The following SOS1 variants were observed in gnomAD, a reference collection of about 807,000 sequenced individuals.
SOS1 encodes the protein SOS Ras/Rac guanine nucleotide exchange factor 1, also known as son of sevenless homolog 1.
Under a neutral mutation model 157.6 loss-of-function variants are expected in SOS1, and 25 were observed. The observed-to-expected ratio is 0.16, with a 90% CI of 0.12 to 0.22. The LOEUF is 0.22. Ranked by LOEUF, SOS1 falls within the 10% of genes least tolerant of loss-of-function variation. The pLI, the probability that SOS1 is intolerant of heterozygous loss-of-function variation, is 1.00. For missense variants in SOS1, 1,237 were observed against 1,599.1 expected (o/e 0.77, Z 3.86); for synonymous variants, 528 against 534.0 (o/e 0.99, Z 0.16).
chr2:39,091,211 C>A (rs1327899559), intron 1 of SOS1, among the ~76,000 whole-genome samples: 1 of 152,128 alleles, frequency 6.6e-6, no homozygotes, highest in African/African-American at 2.4e-5. Flanking sequence ...GGGACCAACA[C>A]TGCTGGTCTG....
intron 9 of SOS1, 44 bp from the exon 10 acceptor site, chr2:39,023,269 A>AACCTAGAGCTCATGTAAGT (rs756081651): frequency 1.4e-6 from 2 of 1,460,850 alleles, no homozygotes; most frequent in Non-Finnish European, 1.9e-6. Flanking sequence ...GATGACAGAA[A>AACCTAGAGCTCATGTAAGT]ACCTAGAGCT....
Position 39,086,246 on chromosome 2 carries a change from A to G in SOS1, c.88-18493T>C, listed in dbSNP as rs144150927. ...AGGTGAAAAGTATATTGGTGAAGTG[A>G]GAGGGATAACATTCTAGGCAAAGGA... On this transcript the variant is annotated intron_variant, in intron 1 of 22. Transcript: ENST00000402219. Among the ~76,000 whole-genome samples the G allele has an allele frequency of 5.0e-3, 759 of 152,292 alleles. 11 individuals carry two copies. Among genetic ancestry groups the G allele is most frequent in the African/African-American group, 0.016 (675 of 41,574 alleles).
At position 38,995,189 on chromosome 2, in the gene SOS1, C is replaced by T. The variant is rs963283940; in HGVS notation, c.3280G>A (p.Gly1094Ser). ...CAAACATCTGTGGTACTGGAAGCAC[C>T]AGAAGCAGGCGGAGGTGTTAACGGT... ...RTPLTPPPASGASSTTDVCSV... is the reference protein window; with the variant it reads ...RTPLTPPPASSASSTTDVCSV... Residue 1094 changes from glycine (G) to serine (S), a missense_variant, in exon 20 of 23, where the codon GGT (glycine) becomes AGT (serine). Physicochemically the swap from Gly to Ser is moderately conservative, Grantham distance 56. Around this residue, in one of 15 missense-constraint regions of SOS1, gnomAD observed 306 missense variants for 322.6 expected, o/e 0.95. Coordinates refer to ENST00000402219, the MANE Select transcript of SOS1 (RefSeq NM_005633.4). The T allele has an allele frequency of 1.9e-6, 3 of 1,613,972 alleles. No homozygotes were observed. Among genetic ancestry groups the T allele is most frequent in the Non-Finnish European group, 2.5e-6 (3 of 1,179,920 alleles).
intron 2 of SOS1, among the ~76,000 whole-genome samples, chr2:39,061,299 G>A (rs1190261261): frequency 6.8e-6 from 1 of 148,054 alleles, no homozygotes; most frequent in Non-Finnish European, 1.5e-5. Flanking sequence ...AGGCCATACT[G>A]AAGGAATTAC....
chr2:39,079,595 A>G (rs1672133525), intron 1 of SOS1, among the ~76,000 whole-genome samples: 1 of 141,278 alleles, frequency 7.1e-6, no homozygotes, highest in Non-Finnish European at 1.5e-5. Context: ...CCTGGGTTCA[A>G]GCAATTCTCC....
chr2:39,058,118 T>C (rs1196815880), intron 3 of SOS1, among the ~76,000 whole-genome samples: 4 of 152,096 alleles, frequency 2.6e-5, no homozygotes, highest in African/African-American at 7.2e-5. Context: ...TGAAAGGTAA[T>C]AGTAGTTCGT....
intron 6 of SOS1, among the ~76,000 whole-genome samples, chr2:39,045,264 G>A (rs1255536212): frequency 7.2e-6 from 1 of 139,142 alleles, no homozygotes; most frequent in African/African-American, 2.6e-5. Flanking sequence ...GAGAGAGAGA[G>A]AGAGAGAGAG....
At chr2:39,108,641 T>G (rs1673299332) in intron 1 of SOS1, among the ~76,000 whole-genome samples, 2 of 152,064 alleles carry the variant, frequency 1.3e-5, no homozygotes, top group African/African-American at 4.8e-5. Flanking sequence ...GTAATCCCAG[T>G]GCTTTGGGAG....
chr2:39,102,831 T>C (rs1296703997), intron 1 of SOS1, among the ~76,000 whole-genome samples: 4 of 152,086 alleles, frequency 2.6e-5, no homozygotes, highest in Admixed American at 2.0e-4. Context: ...GGCATGCACC[T>C]GTAGTCCCAA....
At chr2:39,022,447 T>A in intron 10 of SOS1, 123 bp downstream of exon 10, 1 of 732,854 alleles carries the variant, frequency 1.4e-6, no homozygotes, top group Non-Finnish European at 2.4e-6. Context: ...GTATTTTTAG[T>A]CAAAGAAAAG....
chr2:39,003,761 C>T (rs1433429102), intron 17 of SOS1, among the ~76,000 whole-genome samples: 1 of 149,164 alleles, frequency 6.7e-6, no homozygotes, highest in African/African-American at 2.5e-5. Context: ...CAAAATTGGC[C>T]AAAAAAAAAG....
At chr2:38,995,010 AT>A (rs1668844555) in intron 20 of SOS1, 112 bp downstream of exon 20, 1 of 824,564 alleles carries the variant, frequency 1.2e-6, no homozygotes, top group Non-Finnish European at 2.0e-6. Context: ...TTGAAATGGC[AT>A]TTGACTTAAC....
At chr2:39,003,554 A>C (rs1452600102) in intron 17 of SOS1, among the ~76,000 whole-genome samples, 1 of 152,260 alleles carries the variant, frequency 6.6e-6, no homozygotes, top group Non-Finnish European at 1.5e-5. Flanking sequence ...AGAAAACCCA[A>C]GGAAATTAAA....
intron 1 of SOS1, among the ~76,000 whole-genome samples, chr2:39,097,147 A>G (rs937732697): frequency 1.3e-5 from 2 of 152,210 alleles, no homozygotes; most frequent in African/African-American, 4.8e-5. Flanking sequence ...AAGCCTACGG[A>G]AAAAAGTAGA....
chr2:38,997,850 T>A (rs745967772), intron 17 of SOS1, among the ~76,000 whole-genome samples: 4 of 152,206 alleles, frequency 2.6e-5, no homozygotes, highest in Non-Finnish European at 5.9e-5. Context: ...TAAGAATAAC[T>A]TCGTCACTAA....
chr2:39,058,679 T>C lies in SOS1; in HGVS notation c.339A>G (p.Leu113=). Residue 113 remains leucine (L), a synonymous_variant, in exon 3 of 23, where the codon TTA becomes TTG. Coordinates refer to ENST00000402219, the MANE Select transcript of SOS1 (RefSeq NM_005633.4). ...LSLPVEKIHP[L]LKEVLGYKID... Reference sequence around the variant, plus strand: ...GGCAGTAGTTCAGCATTACCTTTAATAAAGGATGAATTTTTTCTACTGGGA... The same window carrying C: ...GGCAGTAGTTCAGCATTACCTTTAACAAAGGATGAATTTTTTCTACTGGGA... 2 of 1,612,828 alleles carry C rather than the reference T, an allele frequency of 1.2e-6. No individual in the cohort carries two copies. The highest frequency in any genetic ancestry group is 1.3e-5 in the African/African-American group (1 of 75,000).
chr2:39,105,357 T>C (rs1040626605), intron 1 of SOS1, among the ~76,000 whole-genome samples: 3 of 151,884 alleles, frequency 2.0e-5, no homozygotes, highest in Non-Finnish European at 4.4e-5. Context: ...ACTCCTGGCC[T>C]CAAGCTGGTA....
chr2:39,039,540 C>G (rs1240836962), intron 6 of SOS1, among the ~76,000 whole-genome samples: 4 of 152,128 alleles, frequency 2.6e-5, no homozygotes, highest in Non-Finnish European at 5.9e-5. Context: ...GGTTGAGAAT[C>G]TACTTATATG....
intron 10 of SOS1, among the ~76,000 whole-genome samples, chr2:39,016,468 G>A (rs1270332335): frequency 2.0e-5 from 3 of 152,050 alleles, no homozygotes; most frequent in Non-Finnish European, 2.9e-5. Flanking sequence ...TAAAACAGAA[G>A]GCTGTACAAG....
Sources: allele counts gnomAD v4.1 joint callset (sites outside exome capture counted in the v4.1 genomes callset), GRCh38; gene constraint gnomAD v4.1.1; regional missense constraint gnomAD v4.1.1; transcripts MANE v1.5; gene names NCBI Gene and HGNC (gene_info 2026-07-23, HGNC 2026-07-21).